CDCA7L: variants seen among roughly 807,000 people sequenced by gnomAD.
CDCA7L encodes cell division cycle-associated 7-like protein.
Under a neutral mutation model 57.4 loss-of-function variants are expected in CDCA7L, and 44 were observed. The observed-to-expected ratio is 0.77, with a 90% CI of 0.60 to 0.98. The LOEUF (loss-of-function observed/expected upper bound fraction) is 0.98. CDCA7L is among the 50% of genes least tolerant of loss of function. The pLI, the probability that CDCA7L is intolerant of heterozygous loss-of-function variation, is 0.00. For missense variants in CDCA7L, 644 were observed against 580.6 expected, an observed-to-expected ratio of 1.11 and a Z score of -1.12; for synonymous variants, 236 against 202.8, an observed-to-expected ratio of 1.16 and a Z score of -1.39.
chr7:21,916,921 T>A, intron 1 of CDCA7L, 27 bp from the exon 2 acceptor site: 5 of 1,613,496 alleles, frequency 3.1e-6, no homozygotes, highest in Non-Finnish European at 4.2e-6. Flanking sequence ...AGAGGCAGGA[T>A]TAAACCAGGG....
rs1785054968 is a variant in CDCA7L, at chr7:21,904,219, G to C, written c.1088C>G (p.Thr363Ser). The change falls in exon 8 of 10, where the codon ACC becomes AGC. Residue 363 changes from threonine to serine, a missense_variant. Transcript: ENST00000406877. ...CHQCRQKTIDTKTVCRNQGCC... is the reference protein window; with the variant it reads ...CHQCRQKTIDSKTVCRNQGCC... ...ACCCTGGTTCCGACACACTGTCTTG[G>C]TGTCGATGGTCTTTTGTCGACACTG... 1 of 1,613,070 alleles carries C rather than the reference G, an allele frequency of 6.2e-7. No homozygotes were observed. The highest frequency in any genetic ancestry group is 8.5e-7 in the Non-Finnish European group (1 of 1,179,600).
chr7:21,925,623 C>T (rs1373477321), intron 1 of CDCA7L, among the ~76,000 whole-genome samples: 1 of 152,208 alleles, frequency 6.6e-6, no homozygotes, highest in Non-Finnish European at 1.5e-5. Flanking sequence ...AGTGTGGTGG[C>T]TCATGCCTGC....
At chr7:21,908,728 C>G (rs1785218918) in intron 3 of CDCA7L, among the ~76,000 whole-genome samples, 1 of 152,146 alleles carries the variant, frequency 6.6e-6, no homozygotes, top group East Asian at 1.9e-4. Context: ...TGTGCACCAT[C>G]ATACCCGCGA....
chr7:21,917,702 T>C (rs933562242), intron 1 of CDCA7L, among the ~76,000 whole-genome samples: 1 of 152,246 alleles, frequency 6.6e-6, no homozygotes, highest in African/African-American at 2.4e-5. Flanking sequence ...TTGCTGATAT[T>C]TGGCTGTTTT....
At chr7:21,924,319 A>C (rs1785757777) in intron 1 of CDCA7L, among the ~76,000 whole-genome samples, 1 of 152,224 alleles carries the variant, frequency 6.6e-6, no homozygotes, top group Non-Finnish European at 1.5e-5. Flanking sequence ...GCTCTATTTT[A>C]AGATTTAAAA....
rs200336698 is a variant in CDCA7L, at chr7:21,911,735, G to C, written c.185C>G (p.Ser62Cys). 2.4e-5 allele frequency: 38 copies of C among 1,612,850 alleles called. No homozygotes were observed. The African/African-American group carries it at 4.7e-4, about 20-fold the overall frequency. ...SGKQQDVRFH[S>C]KYFTEELRRI... Reference sequence around the variant, plus strand: ...TCTTAGCTCTTCTGTGAAGTATTTGGAATGAAAGCGCACATCCTGCTAAAT... The same window carrying C: ...TCTTAGCTCTTCTGTGAAGTATTTGCAATGAAAGCGCACATCCTGCTAAAT... Residue 62 changes from serine to cysteine, a missense_variant, in exon 3 of 10, where the codon TCC becomes TGC. By Grantham distance (112) the Ser-to-Cys change is moderately radical. Transcript: ENST00000406877.
intron 1 of CDCA7L, among the ~76,000 whole-genome samples, chr7:21,937,512 C>T (rs1786206680): frequency 6.6e-6 from 1 of 152,024 alleles, no homozygotes; most frequent in African/African-American, 2.4e-5. Flanking sequence ...GCAGCATGTG[C>T]CTGTAGTCCC....
intron 1 of CDCA7L, among the ~76,000 whole-genome samples, chr7:21,930,798 G>A (rs1383058467): frequency 4.0e-5 from 6 of 150,832 alleles, no homozygotes; most frequent in African/African-American, 1.2e-4. Flanking sequence ...CAGCAGAACT[G>A]AAGGAGACAG....
chr7:21,902,931 G>C, intron 9 of CDCA7L, 47 bp downstream of exon 9: 1 of 1,591,236 alleles, frequency 6.3e-7, no homozygotes, highest in Non-Finnish European at 8.6e-7. Context: ...CCTGTGCTCA[G>C]CCTCAAGATT....
chr7:21,938,616 G>T (rs1384376008), intron 1 of CDCA7L, among the ~76,000 whole-genome samples: 1 of 152,080 alleles, frequency 6.6e-6, no homozygotes, highest in Non-Finnish European at 1.5e-5. Context: ...TTTATTCATT[G>T]GTATTTACAA....
At chr7:21,935,972 C>T (rs1786149776) in intron 1 of CDCA7L, among the ~76,000 whole-genome samples, 1 of 152,118 alleles carries the variant, frequency 6.6e-6, no homozygotes, top group African/African-American at 2.4e-5. Flanking sequence ...TGTGCCACTA[C>T]ACTCCAGCCT....
intron 1 of CDCA7L, among the ~76,000 whole-genome samples, chr7:21,923,470 C>A (rs1785728168): frequency 6.6e-6 from 1 of 152,116 alleles, no homozygotes; most frequent in African/African-American, 2.4e-5. Flanking sequence ...ACACTACAGT[C>A]AGGGTGTCAG....
chr7:21,929,821 G>C (rs1255110866), intron 1 of CDCA7L, among the ~76,000 whole-genome samples: 1 of 152,000 alleles, frequency 6.6e-6, no homozygotes, highest in East Asian at 1.9e-4. Flanking sequence ...GATGCATAAA[G>C]CAAGTTCTTA....
chr7:21,944,057 T>A (rs544849880), intron 1 of CDCA7L, among the ~76,000 whole-genome samples: 14 of 152,266 alleles, frequency 9.2e-5, no homozygotes, highest in African/African-American at 2.9e-4. Flanking sequence ...CCAGATACAT[T>A]TTCTGACTAA....
Position 21,943,947 on chromosome 7 carries a change from G to A in CDCA7L, c.24+1834C>T, listed in dbSNP as rs541810130. Among the ~76,000 whole-genome samples, 2 of 152,302 alleles carry A rather than the reference G, an allele frequency of 1.3e-5. 1 individual carries two copies. Among genetic ancestry groups the A allele is most frequent in the South Asian group, 4.1e-4 (2 of 4,822 alleles). The stretch of plus-strand genomic sequence containing the variant: ...TCCTAAGCATGAATTATGAATATCA[G>A]TAGTGGAAGTGCAAAGAACTCTCCA... On this transcript the variant is annotated intron_variant, in intron 1 of 9. Transcript: ENST00000406877.
chr7:21,936,852 T>A (rs1474936720), intron 1 of CDCA7L, among the ~76,000 whole-genome samples: 1 of 152,054 alleles, frequency 6.6e-6, no homozygotes, highest in Non-Finnish European at 1.5e-5. Flanking sequence ...CGCATCCAAA[T>A]TGGAAAGGAA....
intron 6 of CDCA7L, 108 bp from the exon 7 acceptor site, chr7:21,905,739 C>T: frequency 8.3e-7 from 1 of 1,210,304 alleles, no homozygotes; most frequent in Admixed American, 2.8e-5. Context: ...TAACCCCGTC[C>T]CTCTTCTATT....
chr7:21,938,948 G>A (rs932245216), intron 1 of CDCA7L, among the ~76,000 whole-genome samples: 14 of 152,078 alleles, frequency 9.2e-5, no homozygotes, highest in South Asian at 4.2e-4. Flanking sequence ...AGGTCAAGGC[G>A]CAGTGAGCCA....
intron 1 of CDCA7L, among the ~76,000 whole-genome samples, chr7:21,920,464 A>C (rs1785616604): frequency 6.6e-6 from 1 of 152,232 alleles, no homozygotes; most frequent in African/African-American, 2.4e-5. Flanking sequence ...ATAATGGTTC[A>C]ATCAAAGGAA....
Sources: allele counts gnomAD v4.1 joint callset (sites outside exome capture counted in the v4.1 genomes callset), GRCh38; gene constraint gnomAD v4.1.1; transcripts MANE v1.5; gene names NCBI Gene and HGNC (gene_info 2026-07-23, HGNC 2026-07-21).